Variants in GRIK3 observed in about 807,000 individuals in gnomAD.
GRIK3 encodes glutamate ionotropic receptor kainate type subunit 3, also known as glutamate receptor ionotropic, kainate 3.
A neutral mutation model predicts 102.5 loss-of-function variants in GRIK3; 29 were observed. The observed-to-expected ratio is 0.28, with a 90% confidence interval of 0.21 to 0.39. The LOEUF is 0.39. GRIK3 is among the 10% of genes least tolerant of loss of function. The pLI is 1.00. For synonymous variants in GRIK3, 511 were observed against 504.9 expected (o/e 1.01, Z -0.16); for missense variants, 908 against 1,252.4 (o/e 0.73, Z 4.15).
chr1:36,811,471 A>G (rs760496863), intron 13 of GRIK3, among the ~76,000 whole-genome samples: 41 of 152,220 alleles, frequency 2.7e-4, no homozygotes, highest in Non-Finnish European at 3.1e-4. Flanking sequence ...AATCACGTCT[A>G]TGGGCTGCAC....
At position 36,806,721 on chromosome 1, in the gene GRIK3, C is replaced by T. The variant is rs1378686538; in HGVS notation, c.2092-395G>A. Among the ~76,000 whole-genome samples the T allele has an allele frequency of 6.6e-6, 1 of 152,242 alleles. No homozygotes were observed. Among genetic ancestry groups the T allele is most frequent in the African/African-American group, 2.4e-5 (1 of 41,456 alleles). On this transcript the variant is annotated intron_variant, in intron 13 of 15. Transcript: ENST00000373091. This position sits in a 1 kb window ranked among gnomAD's most constrained non-coding sequence, Gnocchi z 4.0. ...AGCGCTCACAGGAGGCAGGCACCAT[C>T]ACAAGCCCCATTTTACAAATAAAAA...
intron 1 of GRIK3, among the ~76,000 whole-genome samples, chr1:36,919,338 AATTTT>A (rs59601847): frequency 0.033 from 4,759 of 143,650 alleles, 137 homozygotes; most frequent in African/African-American, 0.085. Context: ...GCTTTTTTAA[AATTTT>A]ATTTTATTTT....
intron 1 of GRIK3, among the ~76,000 whole-genome samples, chr1:36,945,493 G>A (rs745986734): frequency 2.6e-5 from 4 of 152,170 alleles, no homozygotes; most frequent in Non-Finnish European, 2.9e-5. Flanking sequence ...GACTTGCGAC[G>A]TCATTTAGAC....
At chr1:36,985,018 C>A (rs775558819) in intron 1 of GRIK3, among the ~76,000 whole-genome samples, 6 of 152,094 alleles carry the variant, frequency 3.9e-5, no homozygotes, top group African/African-American at 1.4e-4. Context: ...CCGTGAAGCC[C>A]GGGCAGGAAC....
At chr1:36,837,783 G>A (rs1640397866) in intron 10 of GRIK3, among the ~76,000 whole-genome samples, 2 of 152,290 alleles carry the variant, frequency 1.3e-5, no homozygotes, top group African/African-American at 2.4e-5. Flanking sequence ...CCCCAAGTGG[G>A]CTCCTGGGCA....
intron 10 of GRIK3, among the ~76,000 whole-genome samples, chr1:36,830,810 CAAAAAAAAAAAAA>C (rs948901521): frequency 0.012 from 515 of 41,364 alleles, 10 homozygotes; most frequent in African/African-American, 0.035. Flanking sequence ...GACTCTGTCT[CAAAAAAAAAAAAA>C]AAAAAAAAAA....
intron 1 of GRIK3, among the ~76,000 whole-genome samples, chr1:37,015,978 A>G (rs1047176520): frequency 9.2e-5 from 14 of 152,278 alleles, no homozygotes; most frequent in Non-Finnish European, 1.8e-4. Context: ...GAGCCACAGC[A>G]GATTTCCTGC....
intron 1 of GRIK3, among the ~76,000 whole-genome samples, chr1:36,976,015 A>C (rs1212077839): frequency 6.6e-6 from 1 of 152,220 alleles, no homozygotes; most frequent in Non-Finnish European, 1.5e-5. Context: ...AACAGCAAAG[A>C]AGCAAAAGAA....
At chr1:37,012,420 A>G (rs973973666) in intron 1 of GRIK3, among the ~76,000 whole-genome samples, 13 of 152,234 alleles carry the variant, frequency 8.5e-5, no homozygotes, top group African/African-American at 2.4e-4. Context: ...AGATGGGCCA[A>G]TCTTCCAGAT....
intron 3 of GRIK3, among the ~76,000 whole-genome samples, chr1:36,876,794 A>T (rs820906): frequency 0.045 from 6,904 of 152,200 alleles, 465 homozygotes; most frequent in African/African-American, 0.15. Flanking sequence ...ATTTGGCTGA[A>T]GCCAAACCTG....
At chr1:36,816,221 G>T (rs991896867) in intron 13 of GRIK3, among the ~76,000 whole-genome samples, 1 of 152,190 alleles carries the variant, frequency 6.6e-6, no homozygotes, top group Non-Finnish European at 1.5e-5. Flanking sequence ...GTTTCCACAC[G>T]TGTAAAGTAG....
chr1:37,010,731 T>G (rs977713090), intron 1 of GRIK3, among the ~76,000 whole-genome samples: 1 of 69,266 alleles, frequency 1.4e-5, no homozygotes, highest in Non-Finnish European at 2.9e-5. Flanking sequence ...GTACCACTTT[T>G]TTTTTTTTTT....
At chr1:36,807,979 T>C (rs1263154634) in intron 13 of GRIK3, among the ~76,000 whole-genome samples, 1 of 152,232 alleles carries the variant, frequency 6.6e-6, no homozygotes, top group Non-Finnish European at 1.5e-5. Flanking sequence ...ACTCTCCAGC[T>C]ACTCCAGCTC....
At chr1:36,805,929 T>A (rs1570734524) in intron 14 of GRIK3, among the ~76,000 whole-genome samples, 175 bp downstream of exon 14, 2 of 42,448 alleles carry the variant, frequency 4.7e-5, no homozygotes, top group African/African-American at 1.0e-4. Context: ...AAAGCGAAAC[T>A]CCACCTCAAA....
chr1:36,856,351 T>C (rs974822934), intron 7 of GRIK3, among the ~76,000 whole-genome samples: 4 of 152,056 alleles, frequency 2.6e-5, no homozygotes, highest in African/African-American at 7.2e-5. Flanking sequence ...GGCCAGGGAG[T>C]GCAGGCAGCT....
chr1:36,982,535 A>G (rs1254046285), intron 1 of GRIK3, among the ~76,000 whole-genome samples: 1 of 152,238 alleles, frequency 6.6e-6, no homozygotes, highest in African/African-American at 2.4e-5. Context: ...ATAGATGTGC[A>G]TATGAACAAT....
chr1:36,962,855 G>A (rs1642029523), intron 1 of GRIK3, among the ~76,000 whole-genome samples: 1 of 141,022 alleles, frequency 7.1e-6, no homozygotes, highest in Non-Finnish European at 1.5e-5. Context: ...CTGCACTCCA[G>A]CCTGGGCAAC....
intron 13 of GRIK3, among the ~76,000 whole-genome samples, chr1:36,813,275 G>A (rs1642583078): frequency 6.6e-6 from 1 of 152,222 alleles, no homozygotes; most frequent in Non-Finnish European, 1.5e-5. Context: ...TGTTATTGAG[G>A]ATGTTATAAA....
At chr1:36,949,556 C>G (rs1051620117) in intron 1 of GRIK3, among the ~76,000 whole-genome samples, 1 of 133,944 alleles carries the variant, frequency 7.5e-6, no homozygotes, top group East Asian at 2.1e-4. Flanking sequence ...TCTTTTTTTT[C>G]TTTCTCTCTC....
Sources: allele counts gnomAD v4.1 joint callset (sites outside exome capture counted in the v4.1 genomes callset), GRCh38; gene constraint gnomAD v4.1.1; non-coding constraint Gnocchi (gnomAD v3.1); transcripts MANE v1.5; gene names NCBI Gene and HGNC (gene_info 2026-07-23, HGNC 2026-07-21).